Variants in DAB1 observed in about 807,000 individuals in gnomAD.
DAB1 encodes disabled homolog 1.
In DAB1, 15 loss-of-function variants were observed where a neutral mutation model predicts 64.6. That is an observed-to-expected ratio of 0.23 (90% CI 0.16 to 0.36). The LOEUF is 0.36. DAB1 is among the 10% of genes least tolerant of loss of function. The pLI, the probability that DAB1 is intolerant of heterozygous loss-of-function variation, is 1.00. For missense variants in DAB1, 596 were observed against 706.7 expected (o/e 0.84, Z 1.78); for synonymous variants, 235 against 251.9 (o/e 0.93, Z 0.64).
intron 3 of DAB1, among the ~76,000 whole-genome samples, chr1:58,428,218 C>A (rs1557757289): frequency 6.6e-6 from 1 of 152,218 alleles, no homozygotes; most frequent in Non-Finnish European, 1.5e-5. Flanking sequence ...AATGGCATCA[C>A]AAAGCCACTA....
intron 4 of DAB1, among the ~76,000 whole-genome samples, chr1:58,232,283 T>G (rs1315865129): frequency 1.3e-5 from 2 of 152,190 alleles, no homozygotes; most frequent in Non-Finnish European, 2.9e-5. Context: ...GTGCTGAACT[T>G]GGATGGAACT....
At chr1:58,287,196 A>T (rs1292237837) in intron 4 of DAB1, among the ~76,000 whole-genome samples, 1 of 152,166 alleles carries the variant, frequency 6.6e-6, no homozygotes, top group Non-Finnish European at 1.5e-5. Context: ...CAGGAAAAAT[A>T]GCTAATGCAT....
intron 1 of DAB1, among the ~76,000 whole-genome samples, chr1:57,373,792 C>T (rs749692846): frequency 5.3e-5 from 8 of 152,188 alleles, no homozygotes; most frequent in Non-Finnish European, 1.0e-4. Flanking sequence ...ATTTCAAGAA[C>T]ATAATCGCCG....
At position 57,962,517 on chromosome 1, in the gene DAB1, C is replaced by T. The variant is rs139256183; in HGVS notation, n.388-78355G>A. 3.1e-4 allele frequency among the ~76,000 whole-genome samples: 47 copies of T among 152,156 alleles called. 1 individual carries two copies. Among genetic ancestry groups the T allele is most frequent in the African/African-American group, 1.1e-3 (47 of 41,490 alleles). On this transcript the variant is annotated intron_variant and non_coding_transcript_variant, in intron 5 of 20. Coordinates refer to the DAB1 transcript ENST00000485760. The stretch of plus-strand genomic sequence containing the variant: ...TTTGATTCAACAGCCACACTAGTGC[C>T]TAGCTCATCACTGAAATGTTGGTTC...
intron 3 of DAB1, among the ~76,000 whole-genome samples, chr1:58,390,974 A>C (rs929414930): frequency 3.3e-5 from 5 of 152,188 alleles, no homozygotes; most frequent in Admixed American, 6.5e-5. Context: ...ATATGTTATA[A>C]TAACGCATTC....
intron 7 of DAB1, among the ~76,000 whole-genome samples, chr1:57,489,275 T>C (rs543756520): frequency 6.6e-6 from 1 of 152,304 alleles, no homozygotes; most frequent in Admixed American, 6.5e-5. Context: ...ACATCCCAGG[T>C]CAGGCCTTTA....
chr1:57,927,487 G>A (rs920685968), intron 5 of DAB1, among the ~76,000 whole-genome samples: 35 of 151,918 alleles, frequency 2.3e-4, no homozygotes, highest in African/African-American at 6.5e-4. Flanking sequence ...CTCCACCCTG[G>A]GTGACAGAGC....
chr1:58,486,015 A>G (rs1313497572), intron 3 of DAB1, among the ~76,000 whole-genome samples: 1 of 152,212 alleles, frequency 6.6e-6, no homozygotes, highest in East Asian at 1.9e-4. Context: ...CAGCCTAAAG[A>G]CTACAACTAT....
chr1:57,453,623 T>C (rs1459996717), intron 7 of DAB1, among the ~76,000 whole-genome samples: 1 of 152,118 alleles, frequency 6.6e-6, no homozygotes, highest in African/African-American at 2.4e-5. Context: ...AACAAAAATA[T>C]AACAAAAAAA....
intron 4 of DAB1, among the ~76,000 whole-genome samples, chr1:58,207,521 G>C: frequency 6.6e-6 from 1 of 152,198 alleles, no homozygotes; most frequent in East Asian, 1.9e-4. Context: ...CTAGAAGTCA[G>C]AGTCCCTACT....
At chr1:57,963,914 G>A (rs1395356950) in intron 5 of DAB1, among the ~76,000 whole-genome samples, 2 of 152,162 alleles carry the variant, frequency 1.3e-5, no homozygotes, top group East Asian at 1.9e-4. Flanking sequence ...GAACACTACA[G>A]GAAGAAAGAA....
intron 4 of DAB1, among the ~76,000 whole-genome samples, chr1:57,130,090 A>T (rs1356408424): frequency 6.6e-6 from 1 of 151,806 alleles, no homozygotes; most frequent in East Asian, 2.0e-4. Flanking sequence ...TATGACACAG[A>T]TGATCATGTG....
rs114859648 is a variant in DAB1 at position 58,236,409 on chromosome 1, C to T, written n.310-85821G>A. 3.4e-3 allele frequency among the ~76,000 whole-genome samples: 510 copies of T among 152,056 alleles called. 2 individuals are homozygous for T. Among genetic ancestry groups the T allele is most frequent in the Non-Finnish European group, 6.2e-3 (419 of 67,978 alleles). On this transcript the variant is annotated intron_variant and non_coding_transcript_variant, in intron 4 of 20. Transcript: ENST00000485760. ...TCTGGGACCCAAGACGAGTGTCGAT[C>T]GGAAAGACGCATGGGGGACACAGCA...
At chr1:58,118,445 A>T (rs1292305260) in intron 5 of DAB1, among the ~76,000 whole-genome samples, 7 of 106,720 alleles carry the variant, frequency 6.6e-5, no homozygotes, top group Non-Finnish European at 5.4e-5. Flanking sequence ...AGATAACTTC[A>T]TGATGCCAGG....
At chr1:57,175,635 G>A (rs540595264) in intron 2 of DAB1, among the ~76,000 whole-genome samples, 1 of 152,158 alleles carries the variant, frequency 6.6e-6, no homozygotes, top group Non-Finnish European at 1.5e-5. Flanking sequence ...TGGCGTATCT[G>A]CTCTGAAATA....
Position 57,097,034 on chromosome 1 carries a change from C to T in DAB1, c.307-24620G>A, listed in dbSNP as rs1165159424. ...CCCCAAGAAGGCAGGGGTAATAGGGCTTTTTGTTAATATATCCTCAGTACC... is the reference window on the plus strand; with the variant it reads ...CCCCAAGAAGGCAGGGGTAATAGGGTTTTTTGTTAATATATCCTCAGTACC... On this transcript the variant is annotated intron_variant, in intron 4 of 14. Coordinates refer to ENST00000371236, the MANE Select transcript of DAB1 (RefSeq NM_001365792.1). Among the ~76,000 whole-genome samples the T allele has an allele frequency of 3.9e-5, 6 of 152,174 alleles. No homozygotes were observed. In the East Asian group the frequency reaches 1.2e-3, roughly 30 times the overall value.
chr1:57,012,560 C>T (rs1453865640), intron 12 of DAB1, among the ~76,000 whole-genome samples: 1 of 152,090 alleles, frequency 6.6e-6, no homozygotes, highest in Non-Finnish European at 1.5e-5. Context: ...AATCCTCTTC[C>T]CAAAACATTC....
At chr1:58,397,364 T>G (rs1469413365) in intron 3 of DAB1, among the ~76,000 whole-genome samples, 1 of 152,220 alleles carries the variant, frequency 6.6e-6, no homozygotes, top group East Asian at 1.9e-4. Context: ...GCATGCAGCC[T>G]GCACTTCAGT....
chr1:57,112,111 C>A (rs554410170), intron 4 of DAB1, among the ~76,000 whole-genome samples: 1 of 152,162 alleles, frequency 6.6e-6, no homozygotes, highest in Non-Finnish European at 1.5e-5. Context: ...TTCTTTTACT[C>A]TAGGGTTTAG....
Sources: gnomAD v4.1 joint callset for allele counts (sites outside exome capture counted in the v4.1 genomes callset) on GRCh38, gnomAD v4.1.1 for gene constraint, MANE v1.5 for transcripts, NCBI Gene and HGNC (gene_info 2026-07-23, HGNC 2026-07-21) for gene names.